Variants in FSTL4 observed in about 807,000 individuals in gnomAD.
The protein encoded by FSTL4 is follistatin like 4, also known as follistatin-related protein 4.
Under a neutral mutation model 78.2 loss-of-function variants are expected in FSTL4, and 28 were observed. The ratio of observed to expected loss-of-function variants is 0.36; its 90% CI spans 0.27 to 0.49. The LOEUF is 0.49. Ranked by LOEUF, FSTL4 falls within the 20% of genes least tolerant of loss-of-function variation. The probability of loss-of-function intolerance (pLI) is 0.98; values close to 1 mark genes in which losing one functional copy is unlikely to be tolerated. For missense variants in FSTL4, 922 were observed against 1,084.9 expected (o/e 0.85, Z 2.11); for synonymous variants, 422 against 440.5 (o/e 0.96, Z 0.53).
intron 3 of FSTL4, among the ~76,000 whole-genome samples, chr5:133,534,894 C>G (rs548776544): frequency 3.4e-4 from 52 of 152,220 alleles, no homozygotes; most frequent in African/African-American, 1.2e-3. Flanking sequence ...AATATGTGAG[C>G]CAACCTGCCT....
intron 3 of FSTL4, among the ~76,000 whole-genome samples, chr5:133,487,897 G>A (rs998119187): frequency 6.6e-6 from 1 of 152,136 alleles, no homozygotes; most frequent in Non-Finnish European, 1.5e-5. Context: ...GAGGACACTT[G>A]GGCAAATCTC....
intron 3 of FSTL4, among the ~76,000 whole-genome samples, chr5:133,565,052 C>T (rs1759997859): frequency 6.6e-6 from 1 of 152,142 alleles, no homozygotes; most frequent in Non-Finnish European, 1.5e-5. Context: ...AACAGGAAAC[C>T]TCCTCAGGTT....
chr5:133,680,772 A>G, the FSTL4 span, among the ~76,000 whole-genome samples: 1 of 152,256 alleles, frequency 6.6e-6, no homozygotes, highest in Non-Finnish European at 1.5e-5. Flanking sequence ...AGCAGAATGA[A>G]TACTGACTGA....
At chr5:133,768,128 C>T in the FSTL4 span, among the ~76,000 whole-genome samples, 1 of 152,176 alleles carries the variant, frequency 6.6e-6, no homozygotes, top group Non-Finnish European at 1.5e-5. Context: ...CTAACTCTTT[C>T]CTACACGAAG....
At chr5:133,703,989 T>A in the FSTL4 span, among the ~76,000 whole-genome samples, 2 of 152,176 alleles carry the variant, frequency 1.3e-5, no homozygotes, top group Non-Finnish European at 2.9e-5. Context: ...AATTGGTGTG[T>A]TCAAAACACA....
chr5:133,734,038 C>T, the FSTL4 span, among the ~76,000 whole-genome samples: 1 of 152,218 alleles, frequency 6.6e-6, no homozygotes, highest in Non-Finnish European at 1.5e-5. Flanking sequence ...AGTGTAAAGC[C>T]AAGTGTCTTC....
At chr5:133,494,630 T>C (rs10061511) in intron 3 of FSTL4, among the ~76,000 whole-genome samples, 1,873 of 152,346 alleles carry the variant, frequency 0.012, 36 homozygotes, top group African/African-American at 0.043. Context: ...ATTCCTATCA[T>C]AGGTTTTGAT....
chr5:133,613,328 G>C (rs1303945892), upstream of FSTL4, among the ~76,000 whole-genome samples: 1 of 152,220 alleles, frequency 6.6e-6, no homozygotes, highest in African/African-American at 2.4e-5. Flanking sequence ...CCCCTACCCA[G>C]GCCAGGCTGA....
At chr5:133,685,293 A>T in the FSTL4 span, among the ~76,000 whole-genome samples, 2 of 152,132 alleles carry the variant, frequency 1.3e-5, no homozygotes, top group East Asian at 3.8e-4. Context: ...TCCCCATTCG[A>T]TTCAAGGTTT....
rs1756817138 is a variant in FSTL4, at chr5:133,426,391, CTTCATGGGGG to C, written c.161-25415_161-25406del. Among the ~76,000 whole-genome samples the C allele has an allele frequency of 6.6e-6, 1 of 152,132 alleles. No homozygotes were observed. ...TCTCCTGCATAATGAGCCCATGTCA[CTTCATGGGGG>C]TTCTGGGCAGATGAATAGCGCTGCC... On this transcript the variant is annotated intron_variant, in intron 3 of 15. Coordinates refer to ENST00000265342, the MANE Select transcript of FSTL4 (RefSeq NM_015082.2). This position sits in a 1 kb window ranked among gnomAD's most constrained non-coding sequence, Gnocchi z 5.0.
chr5:133,647,092 G>T, the FSTL4 span, among the ~76,000 whole-genome samples: 1 of 152,068 alleles, frequency 6.6e-6, no homozygotes, highest in Non-Finnish European at 1.5e-5. Context: ...CATGAAGAGC[G>T]GCCCAATGTA....
chr5:133,751,282 C>T, the FSTL4 span, among the ~76,000 whole-genome samples: 8 of 152,326 alleles, frequency 5.3e-5, no homozygotes, highest in African/African-American at 1.2e-4. Flanking sequence ...GCAGGCCTTT[C>T]GGGCTAAGAA....
At position 133,299,431 on chromosome 5, in the gene FSTL4, C is replaced by T. The variant is rs527810625; in HGVS notation, c.727+13223G>A. Reference sequence around the variant, plus strand: ...CCACCCTGTGCTGTCTCTGCTTCCCCTTCACATGGGCTGCCTTCAAATTCT... The same window carrying T: ...CCACCCTGTGCTGTCTCTGCTTCCCTTTCACATGGGCTGCCTTCAAATTCT... On this transcript the variant is annotated intron_variant, in intron 6 of 15. Coordinates refer to ENST00000265342, the MANE Select transcript of FSTL4 (RefSeq NM_015082.2). 6.0e-3 allele frequency among the ~76,000 whole-genome samples: 917 copies of T among 152,334 alleles called. 7 individuals carry two copies. Among genetic ancestry groups the T allele is most frequent in the South Asian group, 0.017 (84 of 4,828 alleles).
At chr5:133,395,793 G>T (rs1025271092) in intron 4 of FSTL4, among the ~76,000 whole-genome samples, 5 of 152,082 alleles carry the variant, frequency 3.3e-5, no homozygotes, top group African/African-American at 7.2e-5. Flanking sequence ...CACCTTGAAG[G>T]TCCCCTCTCC....
chr5:133,513,216 A>G (rs143637655), intron 3 of FSTL4, among the ~76,000 whole-genome samples: 43 of 152,348 alleles, frequency 2.8e-4, no homozygotes, highest in African/African-American at 1.0e-3. Flanking sequence ...GATGACGCCT[A>G]ACTCCAAACT....
chr5:133,216,975 T>TCAAAAAGG (rs1750927914), intron 13 of FSTL4, among the ~76,000 whole-genome samples: 1 of 152,246 alleles, frequency 6.6e-6, no homozygotes, highest in African/African-American at 2.4e-5. Flanking sequence ...TAGTCCTTAT[T>TCAAAAAGG]ACTTATAGTT....
At chr5:133,624,088 A>G in the FSTL4 span, among the ~76,000 whole-genome samples, 1 of 151,996 alleles carries the variant, frequency 6.6e-6, no homozygotes, top group African/African-American at 2.4e-5. Context: ...TGACCCAGCA[A>G]TTCCACCCCT....
intron 3 of FSTL4, among the ~76,000 whole-genome samples, chr5:133,492,800 C>G (rs10079395): frequency 0.012 from 1,893 of 152,050 alleles, 40 homozygotes; most frequent in African/African-American, 0.044. Context: ...TATAGACTAC[C>G]CTACTTGTTC....
At chr5:133,532,542 C>T (rs560081103) in intron 3 of FSTL4, among the ~76,000 whole-genome samples, 2 of 152,162 alleles carry the variant, frequency 1.3e-5, no homozygotes, top group Non-Finnish European at 2.9e-5. Flanking sequence ...TACTTAAGAG[C>T]TCCCAAGGAA....
Sources: gnomAD v4.1 joint callset for allele counts (sites outside exome capture counted in the v4.1 genomes callset) on GRCh38, gnomAD v4.1.1 for gene constraint, Gnocchi (gnomAD v3.1) non-coding constraint, MANE v1.5 for transcripts, NCBI Gene and HGNC (gene_info 2026-07-23, HGNC 2026-07-21) for gene names.